LPP: variants seen among roughly 807,000 people sequenced by gnomAD.
LPP encodes the protein LIM domain containing preferred translocation partner in lipoma.
In LPP, 38 loss-of-function variants were observed where a neutral mutation model predicts 60.4. The observed-to-expected ratio is 0.63, with a 90% CI of 0.49 to 0.83. The LOEUF is 0.83. Among genes scored for constraint, LPP ranks in the 40% least tolerant of loss-of-function variants. The pLI is 0.00. For missense variants in LPP, 902 were observed against 783.6 expected (o/e 1.15, Z -1.80); for synonymous variants, 328 against 290.8 (o/e 1.13, Z -1.30).
At chr3:188,559,377 C>T (rs1221384925) in intron 6 of LPP, among the ~76,000 whole-genome samples, 3 of 151,908 alleles carry the variant, frequency 2.0e-5, no homozygotes, top group East Asian at 1.9e-4. Context: ...TTCAGGATCT[C>T]GTGTGAGTGT....
chr3:188,765,858 ACT>A lies in LPP; in HGVS notation c.1410+5579_1410+5580del, dbSNP rs1491289086. On this transcript the variant is annotated intron_variant, in intron 9 of 11. Coordinates refer to ENST00000617246, the MANE Select transcript of LPP (RefSeq NM_001375462.1). ...CGTGCAACGTGCAACTTAATGTTCA[ACT>A]CTTTTTTTTTTTTTTTTTTTTTTTT... Among the ~76,000 whole-genome samples, 60 of 101,410 alleles carry A rather than the reference ACT, an allele frequency of 5.9e-4. 3 individuals carry two copies. The highest frequency in any genetic ancestry group is 2.3e-3 in the African/African-American group (59 of 25,894). The allele number at this position is 101,410 out of a possible 152,430, so 66.5% of individuals were successfully genotyped here. A position where few individuals can be genotyped will look rare whatever the true frequency, so the allele number is the denominator to read the frequency against.
intron 3 of LPP, among the ~76,000 whole-genome samples, chr3:188,397,136 T>C (rs775923801): frequency 4.7e-4 from 71 of 152,330 alleles, no homozygotes; most frequent in African/African-American, 1.6e-3. Flanking sequence ...CTACCCCATC[T>C]AGTTATAATC....
At chr3:188,216,393 C>T (rs993096458) in intron 1 of LPP, among the ~76,000 whole-genome samples, 3 of 151,722 alleles carry the variant, frequency 2.0e-5, no homozygotes, top group Admixed American at 1.3e-4. Flanking sequence ...GCCTCAGCCT[C>T]CCGAGTAGCT....
intron 4 of LPP, among the ~76,000 whole-genome samples, chr3:188,442,508 G>C (rs1174595934): frequency 2.6e-5 from 4 of 152,160 alleles, no homozygotes; most frequent in African/African-American, 9.7e-5. Context: ...ATCTATATCT[G>C]ATATTTAGAT....
At chr3:188,543,130 T>TA (rs1825661993) in intron 6 of LPP, among the ~76,000 whole-genome samples, 1 of 152,184 alleles carries the variant, frequency 6.6e-6, no homozygotes, top group African/African-American at 2.4e-5. Flanking sequence ...TCTTAGGGCT[T>TA]ACGTTTCTGT....
At chr3:188,336,656 G>A (rs1761726404) in intron 2 of LPP, among the ~76,000 whole-genome samples, 1 of 152,160 alleles carries the variant, frequency 6.6e-6, no homozygotes, top group Non-Finnish European at 1.5e-5. Context: ...GCAGAGTACA[G>A]CACAGTGGTG....
intron 2 of LPP, among the ~76,000 whole-genome samples, chr3:188,263,220 G>T (rs1003892494): frequency 2.0e-5 from 3 of 152,142 alleles, no homozygotes; most frequent in Non-Finnish European, 2.9e-5. Context: ...TATCCTGTTG[G>T]ACTATGTACA....
intron 5 of LPP, among the ~76,000 whole-genome samples, chr3:188,500,144 T>G (rs1811406442): frequency 1.3e-5 from 2 of 152,096 alleles, no homozygotes; most frequent in African/African-American, 4.8e-5. Flanking sequence ...AGTATTACAC[T>G]AAATTGTTAT....
chr3:188,334,424 T>C (rs1025162467), intron 2 of LPP, among the ~76,000 whole-genome samples: 4 of 142,700 alleles, frequency 2.8e-5, no homozygotes, highest in East Asian at 2.1e-4. Context: ...ATTTCTTTCT[T>C]TTTTTTTTTT....
chr3:188,521,358 G>A (rs1050028363), intron 5 of LPP, among the ~76,000 whole-genome samples: 16 of 152,116 alleles, frequency 1.1e-4, no homozygotes, highest in Non-Finnish European at 1.9e-4. Context: ...TACAAGCACA[G>A]ACTGGTTGCA....
chr3:188,733,757 T>C (rs1721501321), intron 8 of LPP, among the ~76,000 whole-genome samples: 2 of 150,932 alleles, frequency 1.3e-5, no homozygotes, highest in Admixed American at 6.7e-5. Context: ...ATTATTAGGC[T>C]ACTGAAGTGT....
intron 7 of LPP, among the ~76,000 whole-genome samples, chr3:188,697,664 A>AT (rs1863546512): frequency 6.6e-6 from 1 of 152,196 alleles, no homozygotes; most frequent in South Asian, 2.1e-4. Context: ...AGAGCTATCC[A>AT]TTTTTATAAT....
At chr3:188,629,041 G>C (rs1847375226) in intron 7 of LPP, among the ~76,000 whole-genome samples, 1 of 152,044 alleles carries the variant, frequency 6.6e-6, no homozygotes, top group South Asian at 2.1e-4. Context: ...AAAGGGTTTT[G>C]GTAAAATTCA....
chr3:188,791,419 T>A (rs1743702880), intron 9 of LPP, among the ~76,000 whole-genome samples: 1 of 148,372 alleles, frequency 6.7e-6, no homozygotes, highest in South Asian at 2.1e-4. Flanking sequence ...AAAGCTAAAC[T>A]TCTTCACATG....
At chr3:188,252,061 TATATATATATATATAC>T (rs1430542112) in intron 2 of LPP, among the ~76,000 whole-genome samples, 37 of 102,016 alleles carry the variant, frequency 3.6e-4, no homozygotes, top group East Asian at 1.6e-3. Flanking sequence ...TATATATATA[TATATATATATATATAC>T]ACACACACAC....
intron 4 of LPP, among the ~76,000 whole-genome samples, chr3:188,461,638 T>G (rs547337375): frequency 6.6e-6 from 1 of 152,322 alleles, no homozygotes; most frequent in Admixed American, 6.5e-5. Flanking sequence ...TTGTATCATA[T>G]GTAAAAGGAA....
chr3:188,490,894 A>T (rs980858162), intron 5 of LPP, among the ~76,000 whole-genome samples: 1 of 151,268 alleles, frequency 6.6e-6, no homozygotes, highest in Non-Finnish European at 1.5e-5. Flanking sequence ...AGCTGGGACC[A>T]CAGGCACCCA....
chr3:188,512,567 A>ATAAATAAG (rs1816072263), intron 5 of LPP, among the ~76,000 whole-genome samples: 1 of 147,962 alleles, frequency 6.8e-6, no homozygotes, highest in Non-Finnish European at 1.5e-5. Flanking sequence ...CTATAAATAA[A>ATAAATAAG]TAAATAAATA....
intron 9 of LPP, among the ~76,000 whole-genome samples, chr3:188,819,888 A>G (rs1354333859): frequency 4.6e-5 from 7 of 152,290 alleles, no homozygotes; most frequent in Admixed American, 3.9e-4. Flanking sequence ...GCCCAAACCT[A>G]TATGTCAAGC....
Sources: gnomAD v4.1 joint callset for allele counts (sites outside exome capture counted in the v4.1 genomes callset) on GRCh38, gnomAD v4.1.1 for gene constraint, MANE v1.5 for transcripts, NCBI Gene and HGNC (gene_info 2026-07-23, HGNC 2026-07-21) for gene names.